Variants in SULT1E1 observed in about 807,000 individuals in gnomAD.
SULT1E1 encodes the protein sulfotransferase family 1E member 1.
A neutral mutation model predicts 33.6 loss-of-function variants in SULT1E1; 36 were observed. That is an observed-to-expected ratio of 1.07 (90% CI 0.82 to 1.41). SULT1E1 has a LOEUF of 1.41. Ranked by LOEUF, SULT1E1 falls within the 40% of genes most tolerant of loss-of-function variation. SULT1E1 has a pLI of 0.00. For missense variants in SULT1E1, 371 were observed against 345.7 expected (o/e 1.07, Z -0.58); for synonymous variants, 121 against 111.7 (o/e 1.08, Z -0.53).
chr4:69,845,381 T>C (rs1720953189), intron 6 of SULT1E1, among the ~76,000 whole-genome samples: 1 of 151,708 alleles, frequency 6.6e-6, no homozygotes, highest in African/African-American at 2.4e-5. Context: ...TGGTGGCCTA[T>C]ATAAAAATAT....
the SULT1E1 span, among the ~76,000 whole-genome samples, chr4:69,826,362 TG>T: frequency 6.6e-6 from 1 of 152,082 alleles, no homozygotes; most frequent in Non-Finnish European, 1.5e-5. Flanking sequence ...AGGACAGGCA[TG>T]GGTGCAGGTT....
At chr4:69,835,511 G>A in the SULT1E1 span, among the ~76,000 whole-genome samples, 1 of 152,142 alleles carries the variant, frequency 6.6e-6, no homozygotes, top group African/African-American at 2.4e-5. Flanking sequence ...CTGAATTTAT[G>A]ATAAGTGGAG....
At chr4:69,822,356 C>T in the SULT1E1 span, among the ~76,000 whole-genome samples, 16 of 152,096 alleles carry the variant, frequency 1.1e-4, no homozygotes, top group East Asian at 1.9e-4. Context: ...CATGTAATCT[C>T]GGCACTTTTG....
intron 6 of SULT1E1, 42 bp downstream of exon 6, chr4:69,847,656 C>A: frequency 7.7e-7 from 1 of 1,293,848 alleles, no homozygotes; most frequent in Non-Finnish European, 1.1e-6. Context: ...ATGCTAACAT[C>A]TTAGAAATTA....
intron 3 of SULT1E1, among the ~76,000 whole-genome samples, chr4:69,854,987 A>C (rs940573047): frequency 1.3e-5 from 2 of 152,036 alleles, no homozygotes; most frequent in African/African-American, 4.8e-5. Context: ...TCATTGAAAA[A>C]TTTATGGGTA....
chr4:69,846,274 C>T (rs1284586241), intron 6 of SULT1E1, among the ~76,000 whole-genome samples: 3 of 141,760 alleles, frequency 2.1e-5, no homozygotes, highest in African/African-American at 7.7e-5. Context: ...TTCCCTTCAC[C>T]TCTACTCCCA....
At chr4:69,827,246 T>C in the SULT1E1 span, among the ~76,000 whole-genome samples, 1 of 152,156 alleles carries the variant, frequency 6.6e-6, no homozygotes, top group African/African-American at 2.4e-5. Flanking sequence ...GAATGTGGCT[T>C]TAACTGCAGC....
intron 5 of SULT1E1, among the ~76,000 whole-genome samples, chr4:69,848,645 C>T (rs1423959440): frequency 1.4e-5 from 2 of 146,098 alleles, no homozygotes; most frequent in African/African-American, 2.4e-5. Flanking sequence ...ATATGTATTA[C>T]TCATTATGCT....
At chr4:69,838,220 G>T (rs1466284032), downstream of SULT1E1, among the ~76,000 whole-genome samples, 1 of 151,758 alleles carries the variant, frequency 6.6e-6, no homozygotes, top group South Asian at 2.1e-4. Context: ...CTTTTTTTGA[G>T]AACTAGCTTT....
chr4:69,844,260 G>T lies in SULT1E1; in HGVS notation c.673C>A (p.His225Asn). The change falls in exon 7 of 8, where the codon CAT becomes AAT. Residue 225 changes from histidine (H) to asparagine (N), a missense_variant. His to Asn is a moderately conservative substitution (Grantham distance 68). Coordinates refer to ENST00000226444, the MANE Select transcript of SULT1E1 (RefSeq NM_005420.3). The stretch of plus-strand genomic sequence containing the variant: ...TTCTTCATCTCTTGGAACGAAGTAT[G>T]ATGTATAATCCTGTCCACAAGCTCC... Reference protein sequence around the residue: ...SEELVDRIIHHTSFQEMKNNP... With the variant: ...SEELVDRIIHNTSFQEMKNNP... The T allele has an allele frequency of 6.2e-7, 1 of 1,613,804 alleles. No homozygotes were observed. Among genetic ancestry groups the T allele is most frequent in the Non-Finnish European group, 8.5e-7 (1 of 1,179,754 alleles).
intron 7 of SULT1E1, among the ~76,000 whole-genome samples, chr4:69,843,429 T>C (rs564973235): frequency 6.6e-6 from 1 of 152,324 alleles, no homozygotes; most frequent in Non-Finnish European, 1.5e-5. Context: ...CTGTTCTGTT[T>C]TGTTTTTTTC....
At chr4:69,856,343 G>T (rs1034901985) in intron 2 of SULT1E1, among the ~76,000 whole-genome samples, 10 of 152,126 alleles carry the variant, frequency 6.6e-5, no homozygotes, top group Admixed American at 4.6e-4. Context: ...ATTATATTAA[G>T]CAGAAGAGCA....
At chr4:69,822,399 G>T in the SULT1E1 span, among the ~76,000 whole-genome samples, 4 of 152,126 alleles carry the variant, frequency 2.6e-5, no homozygotes, top group East Asian at 7.7e-4. Flanking sequence ...TCGAGGCCAG[G>T]AGTTCTAGAC....
chr4:69,824,083 C>G, the SULT1E1 span, among the ~76,000 whole-genome samples: 2 of 152,130 alleles, frequency 1.3e-5, no homozygotes, highest in African/African-American at 4.8e-5. Flanking sequence ...TATAAGAGCC[C>G]TTGGTATTAA....
intron 6 of SULT1E1, among the ~76,000 whole-genome samples, chr4:69,846,544 T>A (rs1347501506): frequency 1.3e-5 from 2 of 151,502 alleles, no homozygotes; most frequent in Admixed American, 1.3e-4. Context: ...TTGTTTTCAA[T>A]TTTTGCAGTT....
intron 5 of SULT1E1, 34 bp downstream of exon 5, chr4:69,849,403 G>A (rs1721051572): frequency 1.9e-6 from 3 of 1,596,544 alleles, no homozygotes; most frequent in Non-Finnish European, 2.6e-6. Context: ...ATAAAACCTT[G>A]AAAAAAAATT....
chr4:69,822,851 T>C, the SULT1E1 span, among the ~76,000 whole-genome samples: 29 of 152,202 alleles, frequency 1.9e-4, no homozygotes, highest in Middle Eastern at 3.4e-3. Flanking sequence ...TTTAGAAGAA[T>C]ATGTATTGCA....
intron 5 of SULT1E1, among the ~76,000 whole-genome samples, chr4:69,848,419 A>T (rs1003519237): frequency 2.6e-5 from 4 of 151,832 alleles, no homozygotes; most frequent in Non-Finnish European, 4.4e-5. Context: ...TTCATAAAAT[A>T]TAAAGCTGAC....
At chr4:69,828,758 A>G in the SULT1E1 span, among the ~76,000 whole-genome samples, 1 of 152,216 alleles carries the variant, frequency 6.6e-6, no homozygotes, top group Non-Finnish European at 1.5e-5. Flanking sequence ...CTTGGCTTAT[A>G]TAGAAGCCTA....
Sources: allele counts gnomAD v4.1 joint callset (sites outside exome capture counted in the v4.1 genomes callset), GRCh38; gene constraint gnomAD v4.1.1; transcripts MANE v1.5; gene names NCBI Gene and HGNC (gene_info 2026-07-23, HGNC 2026-07-21).